Variants in IL1RAPL1 observed in about 807,000 individuals in gnomAD.
The protein encoded by IL1RAPL1 is interleukin 1 receptor accessory protein like 1, also known as interleukin-1 receptor accessory protein-like 1.
Under a neutral mutation model 48.4 loss-of-function variants are expected in IL1RAPL1, and 3 were observed. The observed-to-expected ratio is 0.06, with a 90% confidence interval of 0.03 to 0.16. The LOEUF (loss-of-function observed/expected upper bound fraction) is 0.16. Ranked by LOEUF, IL1RAPL1 falls within the 10% of genes least tolerant of loss-of-function variation. The pLI is 1.00. For synonymous variants in IL1RAPL1, 185 were observed against 187.7 expected (o/e 0.99, Z 0.12); for missense variants, 349 against 530.6 (o/e 0.66, Z 3.36).
chrX:29,398,985 A>C (rs753785992), intron 4 of IL1RAPL1, among the ~76,000 whole-genome samples, 170 bp from the exon 5 acceptor site: 1 of 112,529 alleles, frequency 8.9e-6, no homozygotes, highest in South Asian at 3.7e-4. Context: ...TCTAGGAAGC[A>C]AATTGATTCC....
chrX:29,154,650 TAAAC>T (rs1263557225), intron 2 of IL1RAPL1, among the ~76,000 whole-genome samples: 1 of 111,716 alleles, frequency 9.0e-6, no homozygotes, highest in Non-Finnish European at 1.9e-5. Context: ...ATATAAAAAA[TAAAC>T]ATTACCTGTT....
chrX:29,515,217 T>A (rs1299413803), intron 5 of IL1RAPL1, among the ~76,000 whole-genome samples: 1 of 112,746 alleles, frequency 8.9e-6, no homozygotes, highest in Non-Finnish European at 1.9e-5. Context: ...GCAAAAGACA[T>A]TACAGAGATC....
intron 6 of IL1RAPL1, among the ~76,000 whole-genome samples, chrX:29,739,776 G>T (rs1381866501): frequency 1.8e-5 from 2 of 110,425 alleles, no homozygotes; most frequent in Non-Finnish European, 3.8e-5. Context: ...AGTACCATGG[G>T]TCCACCGCGT....
At chrX:29,345,789 G>GAT (rs991452101) in intron 3 of IL1RAPL1, among the ~76,000 whole-genome samples, 43 of 109,875 alleles carry the variant, frequency 3.9e-4, no homozygotes, top group East Asian at 5.7e-4. Context: ...GATAGAAATT[G>GAT]ATATATATAT....
rs1569172816 is a variant in IL1RAPL1 at position 29,802,803 on chromosome X, ATATATATG to A, written c.779-114659_779-114652del. On this transcript the variant is annotated intron_variant, in intron 6 of 10. Coordinates refer to ENST00000378993, the MANE Select transcript of IL1RAPL1 (RefSeq NM_014271.4). ...TATATGTGTGTGTGTATATATATAT[ATATATATG>A]TGTGTATATATATGTATACATATAT... 7.5e-3 allele frequency among the ~76,000 whole-genome samples: 452 copies of A among 60,302 alleles called. 12 individuals are homozygous for A. The highest frequency in any genetic ancestry group is 9.2e-3 in the Middle Eastern group (1 of 109). 52.4% of individuals were successfully genotyped at this position (60,302 alleles called of 115,157 possible).
chrX:29,454,352 T>C (rs963462169), intron 5 of IL1RAPL1, among the ~76,000 whole-genome samples: 1 of 111,846 alleles, frequency 8.9e-6, no homozygotes, highest in African/African-American at 3.3e-5. Flanking sequence ...AGTTGGAAGG[T>C]AGCTGGATTA....
chrX:29,043,782 T>C (rs1330692192), intron 2 of IL1RAPL1, among the ~76,000 whole-genome samples: 1 of 111,646 alleles, frequency 9.0e-6, no homozygotes, highest in Non-Finnish European at 1.9e-5. Flanking sequence ...ACCATAAAAC[T>C]AACTATTCAA....
At chrX:28,600,687 A>T (rs942242679) in intron 1 of IL1RAPL1, among the ~76,000 whole-genome samples, 2 of 111,455 alleles carry the variant, frequency 1.8e-5, no homozygotes, top group African/African-American at 6.5e-5. Flanking sequence ...TCGAATGTAG[A>T]TTTACTGGTA....
intron 2 of IL1RAPL1, among the ~76,000 whole-genome samples, chrX:29,223,649 A>G (rs2147551949): frequency 9.4e-6 from 1 of 106,766 alleles, no homozygotes; most frequent in South Asian, 4.3e-4. Context: ...GGTTCAAGAG[A>G]TTTTCCTGCC....
intron 2 of IL1RAPL1, among the ~76,000 whole-genome samples, chrX:28,865,290 T>G (rs973303310): frequency 1.8e-5 from 2 of 110,300 alleles, no homozygotes; most frequent in Non-Finnish European, 3.8e-5. Context: ...ATACAAAAAT[T>G]AGCCGGGCTG....
At chrX:29,217,091 A>G (rs774725112) in intron 2 of IL1RAPL1, among the ~76,000 whole-genome samples, 55 of 112,288 alleles carry the variant, frequency 4.9e-4, no homozygotes, top group African/African-American at 1.6e-3. Flanking sequence ...GTACCATGGT[A>G]TCAAGGGATG....
At chrX:28,626,329 C>T (rs943301080) in intron 1 of IL1RAPL1, among the ~76,000 whole-genome samples, 3 of 112,015 alleles carry the variant, frequency 2.7e-5, no homozygotes, top group Admixed American at 9.5e-5. Context: ...AAAAATATGA[C>T]AAAATCATTT....
At chrX:29,073,228 A>T (rs1002963314) in intron 2 of IL1RAPL1, among the ~76,000 whole-genome samples, 3 of 112,280 alleles carry the variant, frequency 2.7e-5, no homozygotes, top group African/African-American at 9.7e-5. Flanking sequence ...CATTATCAGT[A>T]GATAATAGAA....
rs61436993 is a variant in IL1RAPL1, at chrX:28,815,839, GTATATATATATATATATATATA to G, written c.82+26439_82+26460del. On this transcript the variant is annotated intron_variant, in intron 2 of 10. Coordinates refer to ENST00000378993, the MANE Select transcript of IL1RAPL1 (RefSeq NM_014271.4). ...CTATTGTGTATGTATGTGTGTTTAT[GTATATATATATATATATATATA>G]TATATATATATATATATATATATAA... 1.1e-3 allele frequency among the ~76,000 whole-genome samples: 32 copies of G among 29,105 alleles called. 1 individual carries two copies. Among genetic ancestry groups the G allele is most frequent in the East Asian group, 2.6e-3 (2 of 777 alleles). The allele number at this position is 29,105 out of a possible 115,157, so 25.3% of individuals were successfully genotyped here. A position where few individuals can be genotyped will look rare whatever the true frequency, so the allele number is the denominator to read the frequency against.
rs956215620 is a variant in IL1RAPL1 at position 28,619,433 on chromosome X, AAAACAAAC to A, written c.-25+31402_-25+31409del. On this transcript the variant is annotated intron_variant, in intron 1 of 10. Transcript: ENST00000378993. ...AACATGGTGAAACCCCATCTCTACA[AAAACAAAC>A]AAACAAACAAACAAAAATTAGCCGG... 2.8e-5 allele frequency among the ~76,000 whole-genome samples: 3 copies of A among 108,666 alleles called. No individual in the cohort carries two copies. The East Asian group carries it at 8.7e-4, about 32-fold the overall frequency. The allele number at this position is 108,666 out of a possible 115,157, so 94.4% of individuals were successfully genotyped here.
intron 6 of IL1RAPL1, among the ~76,000 whole-genome samples, chrX:29,749,581 C>G (rs1274096182): frequency 1.8e-5 from 2 of 111,420 alleles, no homozygotes; most frequent in Non-Finnish European, 3.8e-5. Flanking sequence ...TTGTAAATGT[C>G]CATGATAAAA....
At chrX:29,177,011 C>T (rs1930037967) in intron 2 of IL1RAPL1, among the ~76,000 whole-genome samples, 1 of 111,354 alleles carries the variant, frequency 9.0e-6, no homozygotes, top group Non-Finnish European at 1.9e-5. Context: ...TCAGCATTCT[C>T]ATTTCCCTTA....
intron 2 of IL1RAPL1, among the ~76,000 whole-genome samples, chrX:29,133,608 C>T (rs1929067349): frequency 9.0e-6 from 1 of 111,662 alleles, no homozygotes; most frequent in Non-Finnish European, 1.9e-5. Context: ...ACAGTTTTCC[C>T]TATTAATAGC....
intron 3 of IL1RAPL1, among the ~76,000 whole-genome samples, 189 bp from the exon 4 acceptor site, chrX:29,396,069 T>C (rs1051622007): frequency 1.8e-5 from 2 of 112,828 alleles, no homozygotes; most frequent in African/African-American, 6.4e-5. Context: ...AATATACATT[T>C]AGCTTCACAA....
Sources: gnomAD v4.1 joint callset for allele counts (sites outside exome capture counted in the v4.1 genomes callset) on GRCh38, gnomAD v4.1.1 for gene constraint, MANE v1.5 for transcripts, NCBI Gene and HGNC (gene_info 2026-07-23, HGNC 2026-07-21) for gene names.